The following NHP2 variants were observed in gnomAD, a reference collection of about 807,000 sequenced individuals.
NHP2 encodes H/ACA ribonucleoprotein complex subunit 2.
NHP2 carries 10 observed loss-of-function variants against 16.7 expected under a neutral mutation model. The ratio of observed to expected loss-of-function variants is 0.60; its 90% CI spans 0.37 to 1.01. The LOEUF is 1.01. Among genes scored for constraint, NHP2 ranks in the 50% least tolerant of loss-of-function variants. The probability of loss-of-function intolerance (pLI) is 0.01; values close to 1 mark genes in which losing one functional copy is unlikely to be tolerated. For synonymous variants in NHP2, 87 were observed against 78.9 expected (o/e 1.10, Z -0.54); for missense variants, 184 against 198.3 (o/e 0.93, Z 0.43).
chr5:178,152,164 C>T (rs1471126381), intron 2 of NHP2, among the ~76,000 whole-genome samples: 1 of 152,148 alleles, frequency 6.6e-6, no homozygotes, highest in Non-Finnish European at 1.5e-5. Context: ...CTCTCTAATC[C>T]TTTCTTCAAT....
rs754274370 is a variant in NHP2, at chr5:178,153,597, A to AGCCACCCGCGCACCCAT, written c.160+44_161-38dup. 7.4e-5 allele frequency: 120 copies of AGCCACCCGCGCACCCAT among 1,612,808 alleles called. No individual in the cohort carries two copies. The Admixed American group carries it at 7.5e-4, about 10-fold the overall frequency. ...GAAGAGTCGGTCGGGGGCCTCGCTC[A>AGCCACCCGCGCACCCAT]GCCACCCGCGCACCCATCCCACCCG... On this transcript the variant is annotated intron_variant, in intron 1 of 3. Coordinates refer to ENST00000274606, the MANE Select transcript of NHP2 (RefSeq NM_017838.4).
At chr5:178,150,109 A>C in intron 3 of NHP2, 1 of 352,004 alleles carries the variant, frequency 2.8e-6, no homozygotes, top group Non-Finnish European at 5.3e-6. Context: ...TGCCACCCCC[A>C]CTTCCTGTGC....
intron 3 of NHP2, 188 bp from the exon 4 acceptor site, chr5:178,150,026 A>C: frequency 1.7e-6 from 1 of 574,760 alleles, no homozygotes. Context: ...GGCATGGTCC[A>C]GCCACACAGG....
rs539141628 is a variant in NHP2, at chr5:178,153,421, G to A, written c.230+70C>T. 66 of 1,513,792 alleles carry A rather than the reference G, an allele frequency of 4.4e-5. No homozygotes were observed. The East Asian group carries it at 1.4e-3, about 33-fold the overall frequency. 93.8% of individuals were successfully genotyped at this position (1,513,792 alleles called of 1,614,324 possible). A position where few individuals can be genotyped will look rare whatever the true frequency, so the allele number is the denominator to read the frequency against. Reference sequence around the variant, plus strand: ...AGGTCAGAGTTAACCTTTTTACTGCGCGCCTACTAAGTAGAGATTTCTCCG... The same window carrying A: ...AGGTCAGAGTTAACCTTTTTACTGCACGCCTACTAAGTAGAGATTTCTCCG... On this transcript the variant is annotated intron_variant, in intron 2 of 3. Coordinates refer to ENST00000274606, the MANE Select transcript of NHP2 (RefSeq NM_017838.4).
chr5:178,153,229 T>G, intron 2 of NHP2: 3 of 532,382 alleles, frequency 5.6e-6, no homozygotes, highest in Non-Finnish European at 1.0e-5. Context: ...GGGAGGAGGG[T>G]CCCTGAATTA....
rs762055116 is a variant in NHP2 at position 178,151,012 on chromosome 5, C to CT, written c.231-20dup. On this transcript the variant is annotated intron_variant, in intron 2 of 3. Transcript: ENST00000274606. ...CATGATCCTGAAATGAGAGAAAACACTGTCATCTCTGGCTTGCTCCTTCCT... is the reference window on the plus strand; with the variant it reads ...CATGATCCTGAAATGAGAGAAAACACTTGTCATCTCTGGCTTGCTCCTTCCT... The CT allele has an allele frequency of 3.2e-6, 5 of 1,586,856 alleles. No homozygotes were observed. The East Asian group carries it at 6.7e-5, about 21-fold the overall frequency.
intron 3 of NHP2, 195 bp downstream of exon 3, chr5:178,150,693 A>G (rs746539090): frequency 1.4e-6 from 1 of 725,446 alleles, no homozygotes; most frequent in African/African-American, 1.7e-5. Context: ...TGGGATTCCC[A>G]CTTTACAAGA....
intron 2 of NHP2, chr5:178,153,134 G>C: frequency 5.1e-6 from 2 of 393,534 alleles, no homozygotes; most frequent in Non-Finnish European, 4.8e-6. Context: ...CAGAGCCGGA[G>C]AGGGGTCATC....
chr5:178,151,561 A>G (rs1756278358), intron 2 of NHP2, among the ~76,000 whole-genome samples: 1 of 152,238 alleles, frequency 6.6e-6, no homozygotes, highest in Non-Finnish European at 1.5e-5. Flanking sequence ...CCCATGCTGG[A>G]TAACAGGCGG....
chr5:178,153,249 G>A lies in NHP2; in HGVS notation c.230+242C>T, dbSNP rs1756319501. ...GAGGGTCCCTGAATTAATGAAGGTG[G>A]GTTTACTCTAAGGGACTTTGCTTAC... On this transcript the variant is annotated intron_variant, in intron 2 of 3. Transcript: ENST00000274606. 3 of 590,438 alleles carry A rather than the reference G, an allele frequency of 5.1e-6. No individual in the cohort carries two copies. In the Admixed American group the frequency reaches 8.4e-5, roughly 16 times the overall value. The allele number at this position is 590,438 out of a possible 1,614,324, so 36.6% of individuals were successfully genotyped here.
intron 3 of NHP2, chr5:178,150,548 TAAAA>T (rs1411438691): frequency 1.0e-5 from 4 of 397,096 alleles, no homozygotes; most frequent in African/African-American, 8.3e-5. Context: ...CCCAGCTAAT[TAAAA>T]AAATTTTTTT....
chr5:178,152,934 CAAT>C (rs1330533599), intron 2 of NHP2, among the ~76,000 whole-genome samples: 3 of 152,128 alleles, frequency 2.0e-5, no homozygotes, highest in Non-Finnish European at 2.9e-5. Context: ...TGCAAAACAA[CAAT>C]AACAACAGCC....
At chr5:178,153,462 G>T in intron 2 of NHP2, 29 bp downstream of exon 2, 1 of 1,610,548 alleles carries the variant, frequency 6.2e-7, no homozygotes, top group Non-Finnish European at 8.5e-7. Flanking sequence ...GTTTAGAAAT[G>T]CAAAATCCAG....
intron 3 of NHP2, 139 bp from the exon 4 acceptor site, chr5:178,149,977 G>T: frequency 1.1e-6 from 1 of 914,066 alleles, no homozygotes; most frequent in Non-Finnish European, 1.7e-6. Flanking sequence ...AAAGCATCTT[G>T]AATTGGTTGC....
chr5:178,150,563 TG>T, intron 3 of NHP2: 2 of 425,770 alleles, frequency 4.7e-6, no homozygotes, highest in Non-Finnish European at 8.9e-6. Context: ...AAATTTTTTT[TG>T]TAGAGATGGA....
chr5:178,153,409 C>T, intron 2 of NHP2, 82 bp downstream of exon 2: 2 of 1,455,968 alleles, frequency 1.4e-6, no homozygotes, highest in Non-Finnish European at 1.9e-6. Context: ...TCAGAGTTAA[C>T]CTTTTTACTG....
At position 178,149,835 on chromosome 5, in the gene NHP2, G is replaced by C; in HGVS notation, c.340C>G (p.Leu114Val). 1 of 1,613,582 alleles carries C rather than the reference G, an allele frequency of 6.2e-7. No homozygotes were observed. The change falls in exon 4 of 4, where the codon CTG becomes GTG. Residue 114 changes from leucine (L) to valine (V), a missense_variant. By Grantham distance (32) the Leu-to-Val change is conservative. Coordinates refer to ENST00000274606, the MANE Select transcript of NHP2 (RefSeq NM_017838.4). ...PYVYIPSKTD[L>V]GAAAGSKRPT... is the part of the protein sequence containing the mutation. ...CGCTTGGAGCCTGCGGCTGCACCCAGGTCCTACAGAGGGGAAAGAAGTGCT... is the reference window on the plus strand; with the variant it reads ...CGCTTGGAGCCTGCGGCTGCACCCACGTCCTACAGAGGGGAAAGAAGTGCT...
intron 2 of NHP2, 74 bp downstream of exon 2, chr5:178,153,417 C>T (rs1205899434): frequency 5.3e-6 from 8 of 1,505,200 alleles, no homozygotes; most frequent in African/African-American, 4.1e-5. Context: ...AACCTTTTTA[C>T]TGCGCGCCTA....
In NHP2 at chr5:178,149,522, A is replaced by G. The variant is rs1561643360; in HGVS notation, c.*191T>C. 2 of 633,510 alleles carry G rather than the reference A, an allele frequency of 3.2e-6. No homozygotes were observed. Among genetic ancestry groups the G allele is most frequent in the East Asian group, 6.0e-5 (2 of 33,570 alleles). 39.2% of individuals were successfully genotyped at this position (633,510 alleles called of 1,614,324 possible). ...TTCTTGGAACAGCCTTTAGTTCTAC[A>G]GGAAATGGCACTGATGGACAGAAGA... On this transcript the variant is annotated 3_prime_UTR_variant, in exon 4 of 4. Transcript: ENST00000274606.
Sources: allele counts gnomAD v4.1 joint callset (sites outside exome capture counted in the v4.1 genomes callset), GRCh38; gene constraint gnomAD v4.1.1; transcripts MANE v1.5; gene names NCBI Gene and HGNC (gene_info 2026-07-23, HGNC 2026-07-21).